PUS7: variants seen among roughly 807,000 people sequenced by gnomAD.
The protein encoded by PUS7 is pseudouridylate synthase 7 homolog.
A neutral mutation model predicts 79.8 loss-of-function variants in PUS7; 48 were observed. The ratio of observed to expected loss-of-function variants is 0.60; its 90% CI spans 0.48 to 0.76. PUS7 has a LOEUF of 0.76. Among genes scored for constraint, PUS7 ranks in the 30% least tolerant of loss-of-function variants. PUS7 has a pLI of 0.00. For synonymous variants in PUS7, 286 were observed against 272.2 expected (o/e 1.05, Z -0.50); for missense variants, 729 against 797.6 (o/e 0.91, Z 1.04).
chr7:105,461,531 C>CTTCTTGATGATTTGAAAAATACAAAG (rs1249550379), intron 14 of PUS7, among the ~76,000 whole-genome samples: 1 of 152,152 alleles, frequency 6.6e-6, no homozygotes, highest in African/African-American at 2.4e-5. Context: ...GCTTCATTTA[C>CTTCTTGATGATTTGAAAAATACAAAG]TTCTTGATGA....
At chr7:105,481,019 A>C in intron 9 of PUS7, 33 bp downstream of exon 9, 1 of 1,594,854 alleles carries the variant, frequency 6.3e-7, no homozygotes, top group Non-Finnish European at 8.5e-7. Context: ...TTTATGAGAA[A>C]GCTATTTTTG....
At chr7:105,473,756 G>C (rs1823971440) in intron 9 of PUS7, among the ~76,000 whole-genome samples, 1 of 151,938 alleles carries the variant, frequency 6.6e-6, no homozygotes, top group Non-Finnish European at 1.5e-5. Context: ...GTTTCACCGT[G>C]TTGGCCAGGA....
intron 15 of PUS7, among the ~76,000 whole-genome samples, 199 bp downstream of exon 15, chr7:105,458,969 C>T (rs1346743776): frequency 2.0e-5 from 3 of 152,148 alleles, no homozygotes; most frequent in African/African-American, 7.2e-5. Context: ...CCATCTATAA[C>T]ATGCACTTAT....
intron 2 of PUS7, among the ~76,000 whole-genome samples, chr7:105,507,127 C>A (rs1001900413): frequency 6.6e-6 from 1 of 151,914 alleles, no homozygotes; most frequent in Non-Finnish European, 1.5e-5. Context: ...CTCACTGCAA[C>A]CTCCGCCTCC....
intron 5 of PUS7, among the ~76,000 whole-genome samples, chr7:105,496,255 G>GAGAGAGAGAGAGA (rs1586152941): frequency 2.0e-4 from 7 of 35,018 alleles, no homozygotes; most frequent in East Asian, 9.2e-4. Context: ...AGAGAGAGAG[G>GAGAGAGAGAGAGA]GAGAGACACA....
chr7:105,470,032 C>T (rs1345511084), intron 11 of PUS7, among the ~76,000 whole-genome samples: 1 of 152,234 alleles, frequency 6.6e-6, no homozygotes, highest in Non-Finnish European at 1.5e-5. Flanking sequence ...GGAATTTACA[C>T]ATCAATTTTC....
At position 105,467,410 on chromosome 7, in the gene PUS7, T is replaced by C. The variant is rs925103341; in HGVS notation, c.1525+927A>G. On this transcript the variant is annotated intron_variant, in intron 12 of 15. Coordinates refer to ENST00000469408, the MANE Select transcript of PUS7 (RefSeq NM_019042.5). The stretch of plus-strand genomic sequence containing the variant: ...GTTCACGCCATTCTCCTGCCTCAGC[T>C]TCCTGAGTAGCTGGGACTACAGGCG... 1.1e-4 allele frequency among the ~76,000 whole-genome samples: 16 copies of C among 151,580 alleles called. No individual in the cohort carries two copies. In the South Asian group the frequency reaches 1.5e-3, roughly 14 times the overall value.
intron 9 of PUS7, among the ~76,000 whole-genome samples, chr7:105,474,966 A>G (rs1048007226): frequency 1.3e-5 from 2 of 152,240 alleles, no homozygotes; most frequent in Non-Finnish European, 2.9e-5. Flanking sequence ...CAAATATTGA[A>G]TGGCCCACAA....
At chr7:105,501,160 T>C (rs969989525) in intron 5 of PUS7, among the ~76,000 whole-genome samples, 1 of 152,332 alleles carries the variant, frequency 6.6e-6, no homozygotes, top group Non-Finnish European at 1.5e-5. Flanking sequence ...AACATGGTTA[T>C]AAGCAATTAA....
chr7:105,483,856 T>G (rs1824433074), intron 7 of PUS7, among the ~76,000 whole-genome samples: 1 of 152,178 alleles, frequency 6.6e-6, no homozygotes, highest in Non-Finnish European at 1.5e-5. Context: ...AGCTGTGATG[T>G]CTGTTTGGTT....
chr7:105,487,632 G>A (rs1824604690), intron 7 of PUS7, among the ~76,000 whole-genome samples: 1 of 152,096 alleles, frequency 6.6e-6, no homozygotes, highest in South Asian at 2.1e-4. Flanking sequence ...CAAGGTCTTT[G>A]GTTGTAAATT....
intron 5 of PUS7, 51 bp from the exon 6 acceptor site, chr7:105,495,304 T>G (rs1420156769): frequency 3.8e-6 from 4 of 1,056,252 alleles, no homozygotes; most frequent in Non-Finnish European, 5.8e-6. Context: ...AAGTTATAGA[T>G]GTAAGAGCTC....
intron 7 of PUS7, among the ~76,000 whole-genome samples, chr7:105,484,998 G>T (rs1196414849): frequency 1.3e-5 from 2 of 151,154 alleles, no homozygotes; most frequent in African/African-American, 4.9e-5. Context: ...GAGTAGCTGG[G>T]GCTACAGGCA....
intron 4 of PUS7, among the ~76,000 whole-genome samples, chr7:105,503,307 A>C (rs538985081): frequency 1.3e-5 from 2 of 152,310 alleles, no homozygotes; most frequent in African/African-American, 2.4e-5. Context: ...ATGCAGGCAA[A>C]GCTAGGCCTT....
At chr7:105,511,916 C>T (rs886204964) in intron 1 of PUS7, among the ~76,000 whole-genome samples, 7 of 151,414 alleles carry the variant, frequency 4.6e-5, no homozygotes, top group African/African-American at 7.3e-5. Flanking sequence ...GAGGCTGAGG[C>T]GGGTGGATCA....
At chr7:105,468,699 G>GTTTTTTTTTTTTTTT (rs1554544121) in intron 11 of PUS7, among the ~76,000 whole-genome samples, 2 of 146,760 alleles carry the variant, frequency 1.4e-5, no homozygotes, top group African/African-American at 2.5e-5. Context: ...TGTATTTTTA[G>GTTTTTTTTTTTTTTT]TAGAGACAGG....
chr7:105,471,900 A>G (rs1246699007), intron 10 of PUS7, among the ~76,000 whole-genome samples: 7 of 146,978 alleles, frequency 4.8e-5, no homozygotes, highest in Non-Finnish European at 7.4e-5. Context: ...AAACAAGACT[A>G]AAACTCCTTA....
chr7:105,475,927 A>C (rs763542207), intron 9 of PUS7, among the ~76,000 whole-genome samples: 3 of 152,074 alleles, frequency 2.0e-5, no homozygotes, highest in Non-Finnish European at 4.4e-5. Context: ...ACCTCATATA[A>C]GAGAAATCGT....
chr7:105,502,708 A>T (rs1358063596), intron 4 of PUS7, 144 bp from the exon 5 acceptor site: 1 of 967,714 alleles, frequency 1.0e-6, no homozygotes, highest in East Asian at 2.6e-5. Context: ...AAAATCTTTT[A>T]TTTTTATTTT....
Sources: allele counts gnomAD v4.1 joint callset (sites outside exome capture counted in the v4.1 genomes callset), GRCh38; gene constraint gnomAD v4.1.1; transcripts MANE v1.5; gene names NCBI Gene and HGNC (gene_info 2026-07-23, HGNC 2026-07-21).